The following UNC13C variants were observed in gnomAD, a reference collection of about 807,000 sequenced individuals.
UNC13C encodes unc-13 homolog C, also known as protein unc-13 homolog C.
In UNC13C, 174 loss-of-function variants were observed where a neutral mutation model predicts 245.4. That is an observed-to-expected ratio of 0.71 (90% CI 0.63 to 0.80). UNC13C has a LOEUF of 0.80. UNC13C is among the 30% of genes least tolerant of loss of function. The pLI is 0.00. For missense variants in UNC13C, 2,829 were observed against 2,602.9 expected (o/e 1.09, Z -1.89); for synonymous variants, 992 against 895.1 (o/e 1.11, Z -1.93).
chr15:54,414,977 T>A lies in UNC13C; in HGVS notation c.4848-5T>A. 1 of 1,611,134 alleles carries A rather than the reference T, an allele frequency of 6.2e-7. No homozygotes were observed. The highest frequency in any genetic ancestry group is 8.5e-7 in the Non-Finnish European group (1 of 1,178,684). On this transcript the variant is annotated splice_region_variant and splice_polypyrimidine_tract_variant and intron_variant, in intron 18 of 32. Coordinates refer to ENST00000260323, the MANE Select transcript of UNC13C (RefSeq NM_001080534.3). Reference sequence around the variant, plus strand: ...CATACACTAATACAATGTGTTTGGTTTTAGGTTTCCTCAAGAGCTGAACAT... The same window carrying A: ...CATACACTAATACAATGTGTTTGGTATTAGGTTTCCTCAAGAGCTGAACAT...
At chr15:54,288,361 G>A (rs1262489182) in intron 10 of UNC13C, among the ~76,000 whole-genome samples, 1 of 152,056 alleles carries the variant, frequency 6.6e-6, no homozygotes, top group African/African-American at 2.4e-5. Flanking sequence ...TACTGTGAAA[G>A]GTGAAAGTAA....
At chr15:53,946,583 C>T in the UNC13C span, among the ~76,000 whole-genome samples, 1 of 150,208 alleles carries the variant, frequency 6.7e-6, no homozygotes, top group African/African-American at 2.5e-5. Context: ...TAGCTGGACA[C>T]AGTGGCACAC....
At chr15:54,077,376 C>CT (rs768240170) in intron 2 of UNC13C, among the ~76,000 whole-genome samples, 1,964 of 62,398 alleles carry the variant, frequency 0.031, 187 homozygotes, top group South Asian at 0.074. Flanking sequence ...CTTTTCTTTT[C>CT]TTTTTTTTTT....
intron 7 of UNC13C, among the ~76,000 whole-genome samples, chr15:54,250,011 G>T (rs1288005358): frequency 2.0e-5 from 3 of 152,162 alleles, no homozygotes; most frequent in Non-Finnish European, 4.4e-5. Flanking sequence ...GGAGTTCTTT[G>T]TGTACAGATA....
At chr15:53,855,425 G>A in the UNC13C span, among the ~76,000 whole-genome samples, 1 of 152,142 alleles carries the variant, frequency 6.6e-6, no homozygotes, top group Non-Finnish European at 1.5e-5. Context: ...GATATTGACT[G>A]TGGTTTTGTC....
chr15:54,236,774 T>A (rs1243840933), intron 6 of UNC13C, among the ~76,000 whole-genome samples: 1 of 152,228 alleles, frequency 6.6e-6, no homozygotes, highest in Non-Finnish European at 1.5e-5. Flanking sequence ...AGGTGTATGC[T>A]GAATTTTATT....
In UNC13C at chr15:54,187,608, C is replaced by G. The variant is rs564503825; in HGVS notation, c.3071+43924C>G. 4.6e-5 allele frequency among the ~76,000 whole-genome samples: 7 copies of G among 152,272 alleles called. No homozygotes were observed. The East Asian group carries it at 1.4e-3, about 29-fold the overall frequency. ...CATAGCTAACTCCTCTTCACTGAAT[C>G]TCTCAGTCAGCCTGTCCTCAGAAAA... On this transcript the variant is annotated intron_variant, in intron 4 of 32. Coordinates refer to ENST00000260323, the MANE Select transcript of UNC13C (RefSeq NM_001080534.3).
chr15:54,544,318 T>G (rs939374630), intron 26 of UNC13C, among the ~76,000 whole-genome samples: 5 of 152,204 alleles, frequency 3.3e-5, no homozygotes, highest in African/African-American at 9.7e-5. Flanking sequence ...GAGCTATTTA[T>G]GACAAACCCA....
chr15:53,875,921 G>A, the UNC13C span, among the ~76,000 whole-genome samples: 1 of 152,040 alleles, frequency 6.6e-6, no homozygotes, highest in Non-Finnish European at 1.5e-5. Context: ...TTACTTCCTT[G>A]GAACAAAAGG....
intron 19 of UNC13C, among the ~76,000 whole-genome samples, chr15:54,465,978 T>C (rs899289696): frequency 6.6e-6 from 1 of 152,168 alleles, no homozygotes; most frequent in African/African-American, 2.4e-5. Flanking sequence ...GAAAATATGG[T>C]CTGTATACAC....
chr15:54,489,358 A>T (rs1324890947), intron 19 of UNC13C, among the ~76,000 whole-genome samples: 1 of 152,182 alleles, frequency 6.6e-6, no homozygotes, highest in Non-Finnish European at 1.5e-5. Context: ...GTATACTTTT[A>T]TCTTAGCATG....
the UNC13C span, among the ~76,000 whole-genome samples, chr15:53,868,967 G>A: frequency 2.9e-3 from 447 of 152,120 alleles, 1 homozygote; most frequent in African/African-American, 0.011. Context: ...AAATTTAGTC[G>A]GGCGTGGTGG....
chr15:53,838,520 A>C, the UNC13C span, among the ~76,000 whole-genome samples: 3 of 152,026 alleles, frequency 2.0e-5, no homozygotes, highest in Admixed American at 6.6e-5. Context: ...GCTTTAACTC[A>C]TCTGTTGAGA....
At chr15:53,961,882 T>A in the UNC13C span, among the ~76,000 whole-genome samples, 1 of 152,140 alleles carries the variant, frequency 6.6e-6, no homozygotes, top group Non-Finnish European at 1.5e-5. Flanking sequence ...TGTCAAAAAT[T>A]TGGGGGAAAA....
At chr15:54,493,975 A>T (rs889194584) in intron 19 of UNC13C, among the ~76,000 whole-genome samples, 4 of 152,138 alleles carry the variant, frequency 2.6e-5, no homozygotes, top group Non-Finnish European at 4.4e-5. Flanking sequence ...ACTTTAGGTA[A>T]ACCTACAGAA....
chr15:54,396,912 T>C (rs536656280), intron 18 of UNC13C, among the ~76,000 whole-genome samples: 2 of 151,160 alleles, frequency 1.3e-5, no homozygotes, highest in South Asian at 4.2e-4. Flanking sequence ...CTATACTAGA[T>C]AAAAGTCTGT....
intron 30 of UNC13C, among the ~76,000 whole-genome samples, chr15:54,607,517 G>T (rs1899830611): frequency 6.6e-6 from 1 of 152,086 alleles, no homozygotes; most frequent in African/African-American, 2.4e-5. Flanking sequence ...TGGAAATTGA[G>T]ATCTATTTTT....
At chr15:54,511,546 T>C (rs1421346787) in intron 23 of UNC13C, among the ~76,000 whole-genome samples, 1 of 152,152 alleles carries the variant, frequency 6.6e-6, no homozygotes, top group East Asian at 1.9e-4. Context: ...AGTATGTTTT[T>C]AAATTTCATT....
chr15:54,483,098 C>G lies in UNC13C; in HGVS notation c.4934-11510C>G, dbSNP rs1017215195. On this transcript the variant is annotated intron_variant, in intron 19 of 32. Transcript: ENST00000260323. ...GTGAATACTAGAGCTGCAACTCCGT[C>G]ATAATTTGTAATCTTATTCTCTAAG... 4.6e-5 allele frequency among the ~76,000 whole-genome samples: 7 copies of G among 152,310 alleles called. No homozygotes were observed. The East Asian group carries it at 1.3e-3, about 29-fold the overall frequency.
Sources: gnomAD v4.1 joint callset for allele counts (sites outside exome capture counted in the v4.1 genomes callset) on GRCh38, gnomAD v4.1.1 for gene constraint, MANE v1.5 for transcripts, NCBI Gene and HGNC (gene_info 2026-07-23, HGNC 2026-07-21) for gene names.